ATAD2: variants seen among roughly 807,000 people sequenced by gnomAD.
The protein encoded by ATAD2 is ATPase family AAA domain-containing protein 2.
ATAD2 carries 62 observed loss-of-function variants against 168.9 expected under a neutral mutation model. That is an observed-to-expected ratio of 0.37 (90% CI 0.30 to 0.45). ATAD2 has a LOEUF of 0.45. Ranked by LOEUF, ATAD2 falls within the 20% of genes least tolerant of loss-of-function variation. ATAD2 has a pLI of 1.00. For synonymous variants in ATAD2, 613 were observed against 571.6 expected (o/e 1.07, Z -1.03); for missense variants, 1,419 against 1,667.8 (o/e 0.85, Z 2.60).
chr8:123,395,877 G>T (rs182397263), intron 1 of ATAD2, among the ~76,000 whole-genome samples: 1 of 152,174 alleles, frequency 6.6e-6, no homozygotes, highest in Non-Finnish European at 1.5e-5. Flanking sequence ...GGGAGTGGGG[G>T]GTCGTGCGGG....
At position 123,401,743 on chromosome 8, in the gene ATAD2, C is replaced by T. The variant is rs1011446249; in HGVS notation, c.-2281-568G>A. The T allele has an allele frequency of 1.3e-4, 96 of 746,762 alleles. No homozygotes were observed. In the African/African-American group the frequency reaches 1.3e-3, roughly 10 times the overall value. 46.3% of individuals were successfully genotyped at this position (746,762 alleles called of 1,614,324 possible). On this transcript the variant is annotated intron_variant, in intron 1 of 28. Transcript: ENST00000521903. Reference sequence around the variant, plus strand: ...TGATGATGGGCTCCCTGCTGGCTGCCACCTCGGAGGCCCCCAGCGAATAGT... The same window carrying T: ...TGATGATGGGCTCCCTGCTGGCTGCTACCTCGGAGGCCCCCAGCGAATAGT...
upstream of ATAD2, among the ~76,000 whole-genome samples, chr8:123,398,599 C>T (rs982473187): frequency 6.6e-6 from 1 of 152,206 alleles, no homozygotes; most frequent in Non-Finnish European, 1.5e-5. Context: ...GCAGCTTTGA[C>T]CTCCAGGGCT....
chr8:123,353,984 A>G (rs540730376), intron 13 of ATAD2, among the ~76,000 whole-genome samples: 86 of 152,210 alleles, frequency 5.7e-4, no homozygotes, highest in Non-Finnish European at 8.5e-4. Flanking sequence ...AATACAAAAA[A>G]TTAGCTAAGT....
intron 8 of ATAD2, among the ~76,000 whole-genome samples, chr8:123,368,399 C>T (rs1829041185): frequency 6.6e-6 from 1 of 152,140 alleles, no homozygotes; most frequent in Admixed American, 6.5e-5. Context: ...GCCTGGGGAA[C>T]ACAGCAAGAC....
chr8:123,323,082 AG>A lies in ATAD2; in HGVS notation c.4003-17del. 1 of 1,603,484 alleles carries A rather than the reference AG, an allele frequency of 6.2e-7. No individual in the cohort carries two copies. The highest frequency in any genetic ancestry group is 1.1e-5 in the South Asian group (1 of 89,864). On this transcript the variant is annotated splice_polypyrimidine_tract_variant and intron_variant, in intron 26 of 27. Transcript: ENST00000287394. ...TCAAAAGATTCTAAAAGAAAATATG[AG>A]TGTCAATATGTGTGAGAGAGAAACT...
rs1454375482 is a variant in ATAD2, at chr8:123,337,598, C to T, written c.3051+27G>A. 3.9e-6 allele frequency: 6 copies of T among 1,554,480 alleles called. No homozygotes were observed. In the African/African-American group the frequency reaches 6.8e-5, roughly 18 times the overall value. ...TTGTGAAGCATTATGGCCTAGAATA[C>T]ACTTGATCCAAAGATTAAACTAATA... On this transcript the variant is annotated intron_variant, in intron 21 of 27. Transcript: ENST00000287394.
At chr8:123,333,770 T>C in intron 24 of ATAD2, 108 bp downstream of exon 24, 3 of 1,218,106 alleles carry the variant, frequency 2.5e-6, no homozygotes, top group Non-Finnish European at 3.3e-6. Context: ...ACAAAATCAA[T>C]GTAATTCACT....
intron 18 of ATAD2, 85 bp downstream of exon 18, chr8:123,345,997 CAAAA>C: frequency 1.8e-6 from 2 of 1,097,588 alleles, no homozygotes. Context: ...ATCAGAAAGA[CAAAA>C]AAACACAATA....
chr8:123,398,045 G>A (rs1014411202), upstream of ATAD2, among the ~76,000 whole-genome samples: 1 of 152,018 alleles, frequency 6.6e-6, no homozygotes. Context: ...TCCAAACCCT[G>A]AGATGAAAAG....
intron 25 of ATAD2, 102 bp downstream of exon 25, chr8:123,328,088 G>C (rs923129710): frequency 2.0e-6 from 2 of 981,154 alleles, no homozygotes; most frequent in East Asian, 3.1e-5. Context: ...TCTGCTCTCT[G>C]AAAGGCAAGC....
chr8:123,413,890 CA>C lies in ATAD2; in HGVS notation c.-2282+2357del, dbSNP rs1466317784. Among the ~76,000 whole-genome samples the C allele has an allele frequency of 4.6e-5, 7 of 151,840 alleles. No individual in the cohort carries two copies. The East Asian group carries it at 1.4e-3, about 29-fold the overall frequency. On this transcript the variant is annotated intron_variant, in intron 1 of 28. Transcript: ENST00000521903. ...AAAGGAAGAATAAGACACTCAGTGA[CA>C]AGAGTATGGCGGCGGGGAGGGTGGC... is the stretch of plus-strand genomic sequence containing the variant.
intron 2 of ATAD2, among the ~76,000 whole-genome samples, chr8:123,376,868 A>G (rs1279090148): frequency 6.6e-6 from 1 of 151,606 alleles, no homozygotes; most frequent in African/African-American, 2.4e-5. Context: ...CAAGGCAGGC[A>G]GATCACTTGA....
chr8:123,396,179 G>C lies in ATAD2; in HGVS notation c.171+8C>G, dbSNP rs924007962. ...CGCCCTGGGAGCCCGCCTCAGGCCCGTACTCACGCCCGCTTTGGCTGTGGT... is the reference window on the plus strand; with the variant it reads ...CGCCCTGGGAGCCCGCCTCAGGCCCCTACTCACGCCCGCTTTGGCTGTGGT... On this transcript the variant is annotated splice_region_variant and intron_variant, in intron 1 of 27. Coordinates refer to ENST00000287394, the MANE Select transcript of ATAD2 (RefSeq NM_014109.4). 7 of 1,563,714 alleles carry C rather than the reference G, an allele frequency of 4.5e-6. No individual in the cohort carries two copies. Among genetic ancestry groups the C allele is most frequent in the Admixed American group, 1.8e-5 (1 of 54,680 alleles).
rs200563826 is a variant in ATAD2 at position 123,333,870 on chromosome 8, G to C, written c.3478+8C>G. 28 of 1,596,804 alleles carry C rather than the reference G, an allele frequency of 1.8e-5. No homozygotes were observed. Among genetic ancestry groups the C allele is most frequent in the Non-Finnish European group, 5.1e-6 (6 of 1,171,830 alleles). ...AATTTCATAAATGAAAACTACTTGA[G>C]TACTTACCAGGAGTGCTGCAAGCCA... On this transcript the variant is annotated splice_region_variant and intron_variant, in intron 24 of 27. Transcript: ENST00000287394.
intron 2 of ATAD2, among the ~76,000 whole-genome samples, chr8:123,378,459 TG>T (rs1366884258): frequency 6.6e-6 from 1 of 152,002 alleles, no homozygotes; most frequent in Non-Finnish European, 1.5e-5. Flanking sequence ...CCCAGCACTG[TG>T]GGAGGCTGAG....
chr8:123,321,552 A>G (rs1827467611), intron 27 of ATAD2, among the ~76,000 whole-genome samples: 2 of 151,840 alleles, frequency 1.3e-5, no homozygotes, highest in South Asian at 2.1e-4. Flanking sequence ...TATCATTTTT[A>G]TATTTTGTAG....
At position 123,361,531 on chromosome 8, in the gene ATAD2, G is replaced by A. The variant is rs1352636080; in HGVS notation, c.1157+8C>T. 1 of 1,597,966 alleles carries A rather than the reference G, an allele frequency of 6.3e-7. No individual in the cohort carries two copies. The highest frequency in any genetic ancestry group is 1.3e-5 in the African/African-American group (1 of 74,522). ...GCTAGTTTAAAAAGGCATCAATATG[G>A]CACTTACCTATTGATAGCCCTATTA... On this transcript the variant is annotated splice_region_variant and intron_variant, in intron 9 of 27. Coordinates refer to ENST00000287394, the MANE Select transcript of ATAD2 (RefSeq NM_014109.4).
chr8:123,346,734 C>T lies in ATAD2; in HGVS notation c.2229G>A (p.Leu743=). ...KTLDSDISCP[L]LESDLAYSDD... is the part of the protein sequence containing the mutation. ...CACTGTAAGCCAAGTCACTTTCTAG[C>T]AGAGGACAAGAAATATCTATAAAAC... Residue 743 remains leucine (L), a synonymous_variant, in exon 17 of 28, where the codon CTG becomes CTA. Transcript: ENST00000287394. 4 of 1,588,600 alleles carry T rather than the reference C, an allele frequency of 2.5e-6. No homozygotes were observed. The highest frequency in any genetic ancestry group is 3.4e-6 in the Non-Finnish European group (4 of 1,172,884).
rs946733489 is a variant in ATAD2, at chr8:123,326,109, A to T, written c.3869-83T>A. 8.4e-6 allele frequency: 12 copies of T among 1,435,024 alleles called. No individual in the cohort carries two copies. In the Admixed American group the frequency reaches 1.8e-4, roughly 21 times the overall value. 88.9% of individuals were successfully genotyped at this position (1,435,024 alleles called of 1,614,324 possible). On this transcript the variant is annotated intron_variant, in intron 25 of 27. Coordinates refer to ENST00000287394, the MANE Select transcript of ATAD2 (RefSeq NM_014109.4). ...TAAATAATAATATTAGGCAGATTAAACAGGGCATGTTTACTAAGGACATAA... is the reference window on the plus strand; with the variant it reads ...TAAATAATAATATTAGGCAGATTAATCAGGGCATGTTTACTAAGGACATAA...
Sources: gnomAD v4.1 joint callset for allele counts (sites outside exome capture counted in the v4.1 genomes callset) on GRCh38, gnomAD v4.1.1 for gene constraint, MANE v1.5 for transcripts, NCBI Gene and HGNC (gene_info 2026-07-23, HGNC 2026-07-21) for gene names.